Variants in GTF3C4 observed in about 807,000 individuals in gnomAD.
GTF3C4 encodes the protein general transcription factor 3C polypeptide 4.
A neutral mutation model predicts 67.5 loss-of-function variants in GTF3C4; 28 were observed. That is an observed-to-expected ratio of 0.41 (90% CI 0.31 to 0.57). GTF3C4 has a LOEUF of 0.57. GTF3C4 is among the 20% of genes least tolerant of loss of function. GTF3C4 has a pLI of 0.21. For missense variants in GTF3C4, 831 were observed against 1,033.2 expected (o/e 0.80, Z 2.68); for synonymous variants, 409 against 393.0 (o/e 1.04, Z -0.48).
At chr9:132,677,058 T>G (rs1432240671) in intron 1 of GTF3C4, among the ~76,000 whole-genome samples, 1 of 152,186 alleles carries the variant, frequency 6.6e-6, no homozygotes, top group Non-Finnish European at 1.5e-5. Context: ...ACCACTTTCT[T>G]TTGGTCATTT....
chr9:132,687,159 T>C, intron 3 of GTF3C4, 80 bp from the exon 4 acceptor site: 1 of 816,684 alleles, frequency 1.2e-6, no homozygotes, highest in Non-Finnish European at 2.2e-6. Flanking sequence ...ATGATAACTC[T>C]CTGTGATGGA....
At chr9:132,688,567 A>G (rs1030364574) in intron 4 of GTF3C4, among the ~76,000 whole-genome samples, 24 of 152,242 alleles carry the variant, frequency 1.6e-4, no homozygotes, top group Admixed American at 4.6e-4. Flanking sequence ...TTAACAATGT[A>G]TGAAGAACAC....
intron 1 of GTF3C4, among the ~76,000 whole-genome samples, chr9:132,677,414 A>G (rs1023867625): frequency 5.3e-5 from 8 of 152,186 alleles, no homozygotes; most frequent in Admixed American, 2.0e-4. Flanking sequence ...TGTCCCATAC[A>G]TGTTACGAAC....
chr9:132,687,873 C>T (rs1010456301), intron 4 of GTF3C4, among the ~76,000 whole-genome samples: 1 of 152,116 alleles, frequency 6.6e-6, no homozygotes, highest in Non-Finnish European at 1.5e-5. Flanking sequence ...TTAATAATGA[C>T]GCAAATGTCA....
At chr9:132,677,743 GAT>G (rs1317543958) in intron 1 of GTF3C4, among the ~76,000 whole-genome samples, 1 of 152,198 alleles carries the variant, frequency 6.6e-6, no homozygotes, top group Non-Finnish European at 1.5e-5. Flanking sequence ...TTGTATCAAA[GAT>G]ATATATAGAT....
In GTF3C4 at chr9:132,678,421, T is replaced by C. The variant is rs759779139; in HGVS notation, c.802T>C (p.Cys268Arg). ...TTQQVKHNNE[C>R]RDVGSVLLAV... ...CCAGCAGGTCAAGCATAACAACGAATGCCGGGACGTTGGCAGTGTGCTCCT... is the reference window on the plus strand; with the variant it reads ...CCAGCAGGTCAAGCATAACAACGAACGCCGGGACGTTGGCAGTGTGCTCCT... The change falls in exon 2 of 5, where the codon TGC becomes CGC. Residue 268 changes from cysteine to arginine, a missense_variant. Cys to Arg is a radical substitution (Grantham distance 180). This residue lies in a region of GTF3C4 where 390 missense variants were observed against 540.3 expected (regional missense o/e 0.72). Coordinates refer to ENST00000372146, the MANE Select transcript of GTF3C4 (RefSeq NM_012204.4). The surrounding 1 kb of genome is among the most constrained non-coding windows in gnomAD (Gnocchi z 6.5). 6.2e-7 allele frequency: 1 copy of C among 1,614,226 alleles called. No individual in the cohort carries two copies. The highest frequency in any genetic ancestry group is 2.2e-5 in the East Asian group (1 of 44,888).
At position 132,683,578 on chromosome 9, in the gene GTF3C4, A is replaced by G. The variant is rs1177977828; in HGVS notation, c.2200A>G (p.Ile734Val). 6.2e-7 allele frequency: 1 copy of G among 1,612,280 alleles called. No individual in the cohort carries two copies. Among genetic ancestry groups the G allele is most frequent in the Non-Finnish European group, 8.5e-7 (1 of 1,179,662 alleles). Residue 734 changes from isoleucine to valine, a missense_variant, in exon 3 of 5, where the codon ATC becomes GTC. This residue lies in a region of GTF3C4 where 129 missense variants were observed against 213.8 expected (regional missense o/e 0.60). Transcript: ENST00000372146. ...DRTARVLIGH[I>V]SKKMNKQTFP... is the part of the protein sequence containing the mutation. ...GTCTTACTAGGTGCTGATTGGACAT[A>G]TCTCAAAGAAGATGAACAAACAGAC...
In GTF3C4 at chr9:132,693,905, GTC is replaced by G. The variant is rs376471726; in HGVS notation, c.*4962_*4963del. On this transcript the variant is annotated 3_prime_UTR_variant, in exon 5 of 5. Coordinates refer to ENST00000372146, the MANE Select transcript of GTF3C4 (RefSeq NM_012204.4). ...TAGAAAAGACTATATAGAAAAATAAGTCTGTGTTGTGTATAGTGATACATGTT... is the reference window on the plus strand; with the variant it reads ...TAGAAAAGACTATATAGAAAAATAAGTGTGTTGTGTATAGTGATACATGTT... 322 of 152,262 alleles carry G rather than the reference GTC, an allele frequency of 2.1e-3. 1 individual carries two copies. Among genetic ancestry groups the G allele is most frequent in the African/African-American group, 7.5e-3 (312 of 41,558 alleles). 9.4% of individuals were successfully genotyped at this position (152,262 alleles called of 1,614,324 possible). A position where few individuals can be genotyped will look rare whatever the true frequency, so the allele number is the denominator to read the frequency against.
rs114635505 is a variant in GTF3C4 at position 132,687,186 on chromosome 9, A to C, written c.2316-53A>C. 558 of 929,508 alleles carry C rather than the reference A, an allele frequency of 6.0e-4. 3 individuals carry two copies. The African/African-American group carries it at 7.5e-3, about 13-fold the overall frequency. 57.6% of individuals were successfully genotyped at this position (929,508 alleles called of 1,614,324 possible). Reference sequence around the variant, plus strand: ...TGTGATGGAGAAACATCAGTTTCTGAGTGTTAGTAGAGCAAACCCTCTCCC... The same window carrying C: ...TGTGATGGAGAAACATCAGTTTCTGCGTGTTAGTAGAGCAAACCCTCTCCC... On this transcript the variant is annotated intron_variant, in intron 3 of 4. Coordinates refer to ENST00000372146, the MANE Select transcript of GTF3C4 (RefSeq NM_012204.4).
At chr9:132,673,678 G>A (rs1343365009) in intron 1 of GTF3C4, among the ~76,000 whole-genome samples, 4 of 152,202 alleles carry the variant, frequency 2.6e-5, no homozygotes, top group South Asian at 4.1e-4. Flanking sequence ...AGTCTGCAGC[G>A]CAGATGACAG....
rs748962520 is a variant in GTF3C4, at chr9:132,683,592, G to A, written c.2214G>A (p.Met738Ile). 3.7e-6 allele frequency: 6 copies of A among 1,612,380 alleles called. No individual in the cohort carries two copies. Among genetic ancestry groups the A allele is most frequent in the Non-Finnish European group, 5.1e-6 (6 of 1,179,632 alleles). ...RVLIGHISKK[M>I]NKQTFPEHCS... is the part of the protein sequence containing the mutation. ...TGATTGGACATATCTCAAAGAAGAT[G>A]AACAAACAGACTTTCCCTGAGCACT... is the stretch of plus-strand genomic sequence containing the variant. The change falls in exon 3 of 5, where the codon ATG becomes ATA. Residue 738 changes from methionine (M) to isoleucine (I), a missense_variant. Around this residue, in one of 4 missense-constraint regions of GTF3C4, gnomAD observed 129 missense variants for 213.8 expected, o/e 0.60. Transcript: ENST00000372146.
chr9:132,671,357 T>C (rs112207504), intron 1 of GTF3C4, among the ~76,000 whole-genome samples: 2 of 152,286 alleles, frequency 1.3e-5, no homozygotes, highest in African/African-American at 4.8e-5. Flanking sequence ...GGGCCGACTT[T>C]CCGAGGTTCT....
At chr9:132,675,661 C>G (rs915838618) in intron 1 of GTF3C4, among the ~76,000 whole-genome samples, 1 of 152,154 alleles carries the variant, frequency 6.6e-6, no homozygotes, top group Admixed American at 6.5e-5. Context: ...CCTCGTGTCA[C>G]TTTTCAAGGG....
chr9:132,681,668 C>A (rs894150326), intron 2 of GTF3C4, among the ~76,000 whole-genome samples: 1 of 152,000 alleles, frequency 6.6e-6, no homozygotes, highest in Non-Finnish European at 1.5e-5. Context: ...ATGTTTTATA[C>A]GTAAAAGTAA....
Position 132,670,888 on chromosome 9 carries a change from A to T in GTF3C4, c.290A>T (p.Asn97Ile). The T allele has an allele frequency of 1.2e-6, 2 of 1,612,532 alleles. No homozygotes were observed. The highest frequency in any genetic ancestry group is 1.7e-6 in the Non-Finnish European group (2 of 1,179,946). The change falls in exon 1 of 5, where the codon AAC becomes ATC. Residue 97 changes from asparagine to isoleucine, a missense_variant. Coordinates refer to ENST00000372146, the MANE Select transcript of GTF3C4 (RefSeq NM_012204.4). ...CTGGAGCTCATCTGCGACGTGCACA[A>T]CCCGGGCCAGGACCTGGTTATCCAC... The part of the protein sequence containing the change: ...AVLELICDVH[N>I]PGQDLVIHRT...
rs1042999423 is a variant in GTF3C4, at chr9:132,689,318, G to T, written c.*373G>T. The T allele has an allele frequency of 3.2e-5, 6 of 188,888 alleles. No homozygotes were observed. The South Asian group carries it at 7.4e-4, about 23-fold the overall frequency. 11.7% of individuals were successfully genotyped at this position (188,888 alleles called of 1,614,324 possible). On this transcript the variant is annotated 3_prime_UTR_variant, in exon 5 of 5. Transcript: ENST00000372146. ...TCTAGAGAGCTTGGATAAGGACCTT[G>T]CTGGGTTGAGTTAGGTTTTAATCCT... is the stretch of plus-strand genomic sequence containing the variant.
In GTF3C4 at chr9:132,683,669, G is replaced by T. The variant is rs1325484456; in HGVS notation, c.2291G>T (p.Cys764Phe). The T allele has an allele frequency of 6.2e-7, 1 of 1,610,736 alleles. No homozygotes were observed. The highest frequency in any genetic ancestry group is 1.7e-5 in the Admixed American group (1 of 59,024). Residue 764 changes from cysteine (C) to phenylalanine (F), a missense_variant, in exon 3 of 5, where the codon TGT (cysteine) becomes TTT (phenylalanine). Transcript: ENST00000372146. ...LPFTDRKQAVCSNGHIWLRCF... is the reference protein window; with the variant it reads ...LPFTDRKQAVFSNGHIWLRCF... ...TTCACAGATCGCAAACAGGCAGTCT[G>T]TTCCAATGGCCACATTTGGCTCCGG...
chr9:132,670,477 C>T lies in GTF3C4; in HGVS notation c.-122C>T. The T allele has an allele frequency of 5.0e-6, 5 of 995,292 alleles. No homozygotes were observed. The highest frequency in any genetic ancestry group is 6.4e-5 in the East Asian group (2 of 31,310). The allele number at this position is 995,292 out of a possible 1,614,324, so 61.7% of individuals were successfully genotyped here. A position where few individuals can be genotyped will look rare whatever the true frequency, so the allele number is the denominator to read the frequency against. The stretch of plus-strand genomic sequence containing the variant: ...GGCGGGGTCCTTCTTGGCTCGGCGG[C>T]GCTCGGGGCCTGAGGGGAGAAAACC... On this transcript the variant is annotated 5_prime_UTR_variant, in exon 1 of 5. Transcript: ENST00000372146.
Position 132,670,782 on chromosome 9 carries a change from T to C in GTF3C4, c.184T>C (p.Tyr62His), listed in dbSNP as rs2130888762. 4.4e-6 allele frequency: 7 copies of C among 1,588,710 alleles called. No homozygotes were observed. The highest frequency in any genetic ancestry group is 6.0e-6 in the Non-Finnish European group (7 of 1,172,146). Residue 62 changes from tyrosine to histidine, a missense_variant, in exon 1 of 5, where the codon TAT becomes CAT. Transcript: ENST00000372146. The part of the protein sequence containing the change: ...TRREPAVKLQ[Y>H]AVSGLEPLAW... Reference sequence around the variant, plus strand: ...GCGGGAGCCGGCCGTGAAGCTGCAGTATGCGGTGAGCGGCCTGGAACCGCT... The same window carrying C: ...GCGGGAGCCGGCCGTGAAGCTGCAGCATGCGGTGAGCGGCCTGGAACCGCT...
Sources: gnomAD v4.1 joint callset for allele counts (sites outside exome capture counted in the v4.1 genomes callset) on GRCh38, gnomAD v4.1.1 for gene constraint, gnomAD v4.1.1 regional missense constraint, Gnocchi (gnomAD v3.1) non-coding constraint, MANE v1.5 for transcripts, NCBI Gene and HGNC (gene_info 2026-07-23, HGNC 2026-07-21) for gene names.